The following DISC1 variants were observed in gnomAD, a reference collection of about 807,000 sequenced individuals.
DISC1 encodes DISC1 scaffold protein, also known as disrupted in schizophrenia 1 protein.
In DISC1, 57 loss-of-function variants were observed where a neutral mutation model predicts 84.5. The observed-to-expected ratio is 0.67, with a 90% CI of 0.55 to 0.84. The LOEUF (loss-of-function observed/expected upper bound fraction) is 0.84, where lower values mean the gene tolerates loss of function less well. Ranked by LOEUF, DISC1 falls within the 40% of genes least tolerant of loss-of-function variation. DISC1 has a pLI of 0.00. For missense variants in DISC1, 1,000 were observed against 1,057.8 expected (o/e 0.95, Z 0.76); for synonymous variants, 411 against 415.2 (o/e 0.99, Z 0.12).
At chr1:231,816,929 C>T (rs2081058384) in intron 8 of DISC1, among the ~76,000 whole-genome samples, 1 of 151,658 alleles carries the variant, frequency 6.6e-6, no homozygotes, top group South Asian at 2.1e-4. Flanking sequence ...CCTTCCTTCC[C>T]TCCCTCCCTC....
intron 12 of DISC1, among the ~76,000 whole-genome samples, chr1:232,035,832 T>TA (rs1230230414): frequency 1.3e-5 from 2 of 152,196 alleles, no homozygotes; most frequent in Non-Finnish European, 2.9e-5. Flanking sequence ...AAACCACTGT[T>TA]GGTTAAACAT....
intron 9 of DISC1, among the ~76,000 whole-genome samples, chr1:231,936,122 C>T (rs2090968848): frequency 6.6e-6 from 1 of 152,142 alleles, no homozygotes; most frequent in South Asian, 2.1e-4. Flanking sequence ...CAGGAACCAC[C>T]CTGAGCTGAC....
intron 9 of DISC1, among the ~76,000 whole-genome samples, chr1:231,835,906 T>C (rs1430674833): frequency 3.3e-5 from 5 of 152,206 alleles, no homozygotes; most frequent in South Asian, 2.1e-4. Flanking sequence ...CTAAACAACA[T>C]AGACCGATCT....
At chr1:231,991,195 G>A (rs970899685) in intron 10 of DISC1, among the ~76,000 whole-genome samples, 1 of 152,328 alleles carries the variant, frequency 6.6e-6, no homozygotes, top group South Asian at 2.1e-4. Flanking sequence ...AATATTTTGG[G>A]TGAGAGCTTG....
intron 10 of DISC1, among the ~76,000 whole-genome samples, chr1:231,985,350 AAAAAAG>A (rs1256994089): frequency 2.6e-5 from 4 of 151,954 alleles, no homozygotes; most frequent in Admixed American, 1.3e-4. Flanking sequence ...AAAAAAAAAA[AAAAAAG>A]AAAGAAAATA....
intron 5 of DISC1, among the ~76,000 whole-genome samples, chr1:231,769,662 A>T (rs1239160295): frequency 6.6e-6 from 1 of 152,198 alleles, no homozygotes; most frequent in Non-Finnish European, 1.5e-5. Context: ...GTTTTGCAAG[A>T]TGAAAAGAGT....
intron 9 of DISC1, among the ~76,000 whole-genome samples, chr1:231,881,039 T>A (rs1267009516): frequency 6.6e-6 from 1 of 152,200 alleles, no homozygotes; most frequent in African/African-American, 2.4e-5. Flanking sequence ...GCGCCGAGTG[T>A]GCTGCAAGCT....
intron 6 of DISC1, among the ~76,000 whole-genome samples, chr1:231,777,373 A>ACCATG (rs1489258433): frequency 6.6e-6 from 1 of 152,030 alleles, no homozygotes; most frequent in Non-Finnish European, 1.5e-5. Flanking sequence ...GGTGCATGTC[A>ACCATG]CCATGCCAGG....
At chr1:231,870,219 A>G (rs1178101785) in intron 9 of DISC1, among the ~76,000 whole-genome samples, 2 of 152,212 alleles carry the variant, frequency 1.3e-5, no homozygotes, top group Admixed American at 1.3e-4. Flanking sequence ...GGACACCAAG[A>G]GGCAAAGGCC....
At chr1:231,874,343 T>C (rs2085697910) in intron 9 of DISC1, among the ~76,000 whole-genome samples, 1 of 151,678 alleles carries the variant, frequency 6.6e-6, no homozygotes, top group Non-Finnish European at 1.5e-5. Context: ...TATTTTTTAG[T>C]AAAGATGGGG....
Position 232,037,026 on chromosome 1 carries a change from G to A in DISC1, c.*195G>A. 1 of 483,230 alleles carries A rather than the reference G, an allele frequency of 2.1e-6. No homozygotes were observed. Among genetic ancestry groups the A allele is most frequent in the Non-Finnish European group, 3.4e-6 (1 of 297,892 alleles). 29.9% of individuals were successfully genotyped at this position (483,230 alleles called of 1,614,324 possible). On this transcript the variant is annotated 3_prime_UTR_variant, in exon 13 of 13. Coordinates refer to ENST00000439617, the MANE Select transcript of DISC1 (RefSeq NM_018662.3). ...GAGTCTGCAATTTGGAATATGGAGA[G>A]AGAGACTGATTTGCTGAATTTCCTT...
At position 232,041,254 on chromosome 1, in the gene DISC1, A is replaced by G. The variant is rs1248206730; in HGVS notation, c.*4423A>G. On this transcript the variant is annotated 3_prime_UTR_variant, in exon 13 of 13. Coordinates refer to ENST00000439617, the MANE Select transcript of DISC1 (RefSeq NM_018662.3). The stretch of plus-strand genomic sequence containing the variant: ...AGTTACATCACACGAAACATTTATA[A>G]TAAAGTCATGCTTTAGAATTGCACG... 6.6e-6 allele frequency: 1 copy of G among 152,190 alleles called. No homozygotes were observed. Among genetic ancestry groups the G allele is most frequent in the African/African-American group, 2.4e-5 (1 of 41,454 alleles). 9.4% of individuals were successfully genotyped at this position (152,190 alleles called of 1,614,324 possible).
chr1:231,841,833 G>A (rs764498275), intron 9 of DISC1, among the ~76,000 whole-genome samples: 2 of 152,126 alleles, frequency 1.3e-5, no homozygotes, highest in Non-Finnish European at 2.9e-5. Context: ...GTCAACCTCA[G>A]ACAAGAGGGC....
intron 9 of DISC1, among the ~76,000 whole-genome samples, chr1:231,851,497 C>G (rs1368064385): frequency 6.6e-6 from 1 of 152,198 alleles, no homozygotes; most frequent in Non-Finnish European, 1.5e-5. Flanking sequence ...CAGGCTCAGG[C>G]CTACATTCAC....
intron 9 of DISC1, among the ~76,000 whole-genome samples, chr1:231,842,178 A>G (rs903091447): frequency 4.6e-5 from 7 of 151,722 alleles, no homozygotes; most frequent in Non-Finnish European, 8.8e-5. Context: ...TAAAACATTT[A>G]TTTTTGTAGA....
chr1:232,003,174 C>A (rs891919445), intron 10 of DISC1, among the ~76,000 whole-genome samples: 1 of 151,910 alleles, frequency 6.6e-6, no homozygotes, highest in Non-Finnish European at 1.5e-5. Context: ...GGGTTAAAAC[C>A]AGCAATCCAA....
intron 1 of DISC1, among the ~76,000 whole-genome samples, chr1:231,650,451 C>T (rs2060516452): frequency 6.6e-6 from 1 of 152,184 alleles, no homozygotes; most frequent in African/African-American, 2.4e-5. Flanking sequence ...CATCAGACTT[C>T]CCTTTGTGGG....
intron 4 of DISC1, among the ~76,000 whole-genome samples, chr1:231,754,197 A>G (rs748206233): frequency 5.9e-5 from 9 of 152,146 alleles, no homozygotes; most frequent in African/African-American, 1.7e-4. Flanking sequence ...CTTTATAGCA[A>G]TGCCCCACTT....
intron 6 of DISC1, among the ~76,000 whole-genome samples, chr1:231,789,972 A>G (rs1055197675): frequency 1.3e-5 from 2 of 151,896 alleles, no homozygotes; most frequent in Non-Finnish European, 2.9e-5. Context: ...ATCCATAATA[A>G]TCATTTTTAA....
Sources: allele counts gnomAD v4.1 joint callset (sites outside exome capture counted in the v4.1 genomes callset), GRCh38; gene constraint gnomAD v4.1.1; transcripts MANE v1.5; gene names NCBI Gene and HGNC (gene_info 2026-07-23, HGNC 2026-07-21).